Variants in TAFA2 observed in about 807,000 individuals in gnomAD.
TAFA2 encodes the protein TAFA chemokine like family member 2.
TAFA2 carries 7 observed loss-of-function variants against 18.8 expected under a neutral mutation model. That is an observed-to-expected ratio of 0.37 (90% confidence interval 0.21 to 0.70). The LOEUF (loss-of-function observed/expected upper bound fraction) is 0.70. Ranked by LOEUF, TAFA2 falls within the 30% of genes least tolerant of loss-of-function variation. The probability of loss-of-function intolerance (pLI) is 0.53; values close to 1 mark genes in which losing one functional copy is unlikely to be tolerated. For synonymous variants in TAFA2, 60 were observed against 54.2 expected (o/e 1.11, Z -0.47); for missense variants, 122 against 158.1 (o/e 0.77, Z 1.23).
intron 1 of TAFA2, among the ~76,000 whole-genome samples, chr12:62,240,785 T>C (rs2062859306): frequency 6.6e-6 from 1 of 152,066 alleles, no homozygotes; most frequent in Non-Finnish European, 1.5e-5. Flanking sequence ...GAGCAGGAAG[T>C]GAGCAGTGGG....
intron 2 of TAFA2, among the ~76,000 whole-genome samples, chr12:61,803,647 C>T (rs543371507): frequency 6.6e-6 from 1 of 151,852 alleles, no homozygotes; most frequent in African/African-American, 2.4e-5. Flanking sequence ...AAATTGTATC[C>T]AACATGCTAT....
intron 1 of TAFA2, among the ~76,000 whole-genome samples, chr12:62,060,549 C>A (rs1882319026): frequency 1.3e-5 from 2 of 152,140 alleles, no homozygotes. Flanking sequence ...ATCTACTATA[C>A]CATATTTATC....
At chr12:62,160,296 G>T (rs1427088782) in intron 1 of TAFA2, among the ~76,000 whole-genome samples, 1 of 152,158 alleles carries the variant, frequency 6.6e-6, no homozygotes, top group African/African-American at 2.4e-5. Context: ...ATGCATTGAG[G>T]CAGCTCATGG....
chr12:62,186,971 A>G (rs1398359913), intron 1 of TAFA2, among the ~76,000 whole-genome samples: 1 of 152,212 alleles, frequency 6.6e-6, no homozygotes, highest in African/African-American at 2.4e-5. Flanking sequence ...TATACACATT[A>G]GAAACAGGTG....
intron 1 of TAFA2, among the ~76,000 whole-genome samples, chr12:62,230,629 A>C (rs1244058042): frequency 6.6e-6 from 1 of 152,158 alleles, no homozygotes; most frequent in Non-Finnish European, 1.5e-5. Context: ...GTGGCCTAAC[A>C]TAAGGTCTAT....
At chr12:62,153,497 T>C (rs970494813) in intron 1 of TAFA2, among the ~76,000 whole-genome samples, 1 of 151,840 alleles carries the variant, frequency 6.6e-6, no homozygotes, top group African/African-American at 2.4e-5. Context: ...ACCCCATCTC[T>C]ACAAAAAAAA....
At chr12:62,022,656 G>A (rs1881182255) in intron 1 of TAFA2, among the ~76,000 whole-genome samples, 1 of 149,036 alleles carries the variant, frequency 6.7e-6, no homozygotes, top group Non-Finnish European at 1.5e-5. Context: ...CCCTTTTCTG[G>A]ATGAAAACCT....
chr12:61,823,079 T>A (rs1872388224), intron 2 of TAFA2, among the ~76,000 whole-genome samples: 1 of 152,212 alleles, frequency 6.6e-6, no homozygotes, highest in South Asian at 2.1e-4. Context: ...AGCATATACA[T>A]TAAAAAATCT....
chr12:62,058,214 T>C (rs1290784740), intron 1 of TAFA2, among the ~76,000 whole-genome samples: 4 of 152,292 alleles, frequency 2.6e-5, no homozygotes, highest in Admixed American at 2.0e-4. Flanking sequence ...GATTATAAGA[T>C]CATCTCACTC....
intron 1 of TAFA2, among the ~76,000 whole-genome samples, chr12:62,063,072 ACTCTTG>A (rs1355974770): frequency 6.6e-6 from 1 of 151,586 alleles, no homozygotes; most frequent in Non-Finnish European, 1.5e-5. Flanking sequence ...CAATACCCCT[ACTCTTG>A]ATCACAACCT....
intron 1 of TAFA2, among the ~76,000 whole-genome samples, chr12:61,916,857 G>C (rs1592484450): frequency 6.6e-6 from 1 of 152,090 alleles, no homozygotes; most frequent in East Asian, 1.9e-4. Context: ...AAATAATTAA[G>C]GAAGGATATA....
chr12:62,020,107 C>G (rs1478634797), intron 1 of TAFA2, among the ~76,000 whole-genome samples: 3 of 152,086 alleles, frequency 2.0e-5, no homozygotes, highest in Non-Finnish European at 2.9e-5. Flanking sequence ...GAGAACTTAC[C>G]TTTAACTGAA....
intron 4 of TAFA2, among the ~76,000 whole-genome samples, chr12:61,751,002 T>C (rs1376467793): frequency 1.3e-5 from 2 of 152,068 alleles, no homozygotes; most frequent in Admixed American, 6.6e-5. Flanking sequence ...AACAGACATA[T>C]GGACAGTAAT....
chr12:62,169,695 C>A (rs1204401794), intron 1 of TAFA2, among the ~76,000 whole-genome samples: 1 of 151,628 alleles, frequency 6.6e-6, no homozygotes, highest in Non-Finnish European at 1.5e-5. Flanking sequence ...ACTAAAAATA[C>A]AAAAAATTAG....
Position 62,091,313 on chromosome 12 carries a change from C to A in TAFA2, c.-2+99946G>T, listed in dbSNP as rs148588572. ...TGGAATTGATGATGTTAAATAACAT[C>A]ATTGCAGAGCTTGGCACATGCTTTG... On this transcript the variant is annotated intron_variant, in intron 1 of 4. Transcript: ENST00000416284. 2.2e-4 allele frequency among the ~76,000 whole-genome samples: 34 copies of A among 152,076 alleles called. No individual in the cohort carries two copies. In the East Asian group the frequency reaches 6.6e-3, roughly 29 times the overall value.
intron 2 of TAFA2, among the ~76,000 whole-genome samples, chr12:61,863,829 A>T (rs952486041): frequency 6.6e-6 from 1 of 152,140 alleles, no homozygotes; most frequent in African/African-American, 2.4e-5. Flanking sequence ...ACTTCCCCAG[A>T]GAGGCCACTC....
intron 1 of TAFA2, among the ~76,000 whole-genome samples, chr12:62,153,644 G>A (rs775553392): frequency 1.8e-4 from 28 of 151,832 alleles, no homozygotes; most frequent in Non-Finnish European, 3.4e-4. Flanking sequence ...CACTCCAGCC[G>A]GGTGACAGAG....
At chr12:62,128,338 T>A (rs1390137438) in intron 1 of TAFA2, among the ~76,000 whole-genome samples, 2 of 152,068 alleles carry the variant, frequency 1.3e-5, no homozygotes, top group Non-Finnish European at 2.9e-5. Flanking sequence ...TGCACTGGTT[T>A]TGTACTCAGA....
chr12:61,713,228 T>C (rs1009680092), intron 4 of TAFA2, among the ~76,000 whole-genome samples: 3 of 152,158 alleles, frequency 2.0e-5, no homozygotes, highest in Admixed American at 6.6e-5. Flanking sequence ...GTTCAAACTG[T>C]GTTCAAATGA....
Sources: allele counts gnomAD v4.1 joint callset (sites outside exome capture counted in the v4.1 genomes callset), GRCh38; gene constraint gnomAD v4.1.1; transcripts MANE v1.5; gene names NCBI Gene and HGNC (gene_info 2026-07-23, HGNC 2026-07-21).